TPST1: variants seen among roughly 807,000 people sequenced by gnomAD.
The protein encoded by TPST1 is protein-tyrosine sulfotransferase 1.
In TPST1, 20 loss-of-function variants were observed where a neutral mutation model predicts 34.8. The ratio of observed to expected loss-of-function variants is 0.57; its 90% CI spans 0.40 to 0.84. TPST1 has a LOEUF of 0.84. Ranked by LOEUF, TPST1 falls within the 40% of genes least tolerant of loss-of-function variation. The pLI, the probability that TPST1 is intolerant of heterozygous loss-of-function variation, is 0.00. For missense variants in TPST1, 353 were observed against 455.5 expected (o/e 0.78, Z 2.05); for synonymous variants, 152 against 159.4 (o/e 0.95, Z 0.35).
rs578074742 is a variant in TPST1, at chr7:66,241,352, A to G, written c.845+82A>G. On this transcript the variant is annotated intron_variant, in intron 2 of 5. Transcript: ENST00000304842. ...ACATATGTATGTATGTGTTTTATGT[A>G]TATATGTGTGTATGTTCCTGTGTGT... 4.0e-6 allele frequency: 6 copies of G among 1,486,208 alleles called. No homozygotes were observed. In the African/African-American group the frequency reaches 7.1e-5, roughly 17 times the overall value. 92.1% of individuals were successfully genotyped at this position (1,486,208 alleles called of 1,614,324 possible). A position where few individuals can be genotyped will look rare whatever the true frequency, so the allele number is the denominator to read the frequency against.
chr7:66,332,119 G>A lies in TPST1; in HGVS notation c.1045-20386G>A, dbSNP rs1369092506. On this transcript the variant is annotated intron_variant, in intron 3 of 5. Coordinates refer to ENST00000304842, the MANE Select transcript of TPST1 (RefSeq NM_003596.4). The surrounding 1 kb of genome is among the most constrained non-coding windows in gnomAD (Gnocchi z 4.5). ...TAAACGTAATGTGCTTGAATCATCCGGAAACCATCCCCTCTGCTGGTCCAT... is the reference window on the plus strand; with the variant it reads ...TAAACGTAATGTGCTTGAATCATCCAGAAACCATCCCCTCTGCTGGTCCAT... 1.3e-5 allele frequency among the ~76,000 whole-genome samples: 2 copies of A among 151,014 alleles called. No homozygotes were observed. The highest frequency in any genetic ancestry group is 6.7e-5 in the Admixed American group (1 of 15,014).
In TPST1 at chr7:66,240,504, C is replaced by T. The variant is rs1402816364; in HGVS notation, c.79C>T (p.His27Tyr). 1.9e-6 allele frequency: 3 copies of T among 1,614,180 alleles called. No homozygotes were observed. The highest frequency in any genetic ancestry group is 2.2e-5 in the East Asian group (1 of 44,878). Reference sequence around the variant, plus strand: ...TGTGACTGTGTTTTACCTGGGCCAGCATGCCATGGAATGCCATCACCGGAT... The same window carrying T: ...TGTGACTGTGTTTTACCTGGGCCAGTATGCCATGGAATGCCATCACCGGAT... Reference protein sequence around the residue: ...SSVTVFYLGQHAMECHHRIEE... With the variant: ...SSVTVFYLGQYAMECHHRIEE... The change falls in exon 2 of 6, where the codon CAT becomes TAT. Residue 27 changes from histidine (H) to tyrosine (Y), a missense_variant. Transcript: ENST00000304842.
chr7:66,240,885 C>A lies in TPST1; in HGVS notation c.460C>A (p.Pro154Thr). 1 of 1,614,072 alleles carries A rather than the reference C, an allele frequency of 6.2e-7. No individual in the cohort carries two copies. The highest frequency in any genetic ancestry group is 2.2e-5 in the East Asian group (1 of 44,888). The change falls in exon 2 of 6, where the codon CCT (proline) becomes ACT (threonine). Residue 154 changes from proline (P) to threonine (T), a missense_variant. By Grantham distance (38) the Pro-to-Thr change is conservative. Coordinates refer to ENST00000304842, the MANE Select transcript of TPST1 (RefSeq NM_003596.4). The stretch of plus-strand genomic sequence containing the variant: ...TATCGTTAAGCATGGGGAGCCAGCC[C>A]CTTATTTATGTAATAAAGATCCTTT... ...EIIVKHGEPA[P>T]YLCNKDPFAL...
intron 3 of TPST1, among the ~76,000 whole-genome samples, chr7:66,314,329 A>G: frequency 6.6e-6 from 1 of 152,106 alleles, no homozygotes; most frequent in Non-Finnish European, 1.5e-5. Context: ...AAGCCCAGGA[A>G]CTCAAGACCA....
intron 2 of TPST1, among the ~76,000 whole-genome samples, chr7:66,276,071 T>C (rs768425312): frequency 1.3e-5 from 2 of 151,932 alleles, no homozygotes; most frequent in African/African-American, 2.4e-5. Context: ...TGGATACCTA[T>C]ACTTTGCCTA....
At chr7:66,251,245 A>G (rs999901017) in intron 2 of TPST1, among the ~76,000 whole-genome samples, 19 of 152,274 alleles carry the variant, frequency 1.2e-4, no homozygotes, top group African/African-American at 4.6e-4. Context: ...TGTCTTTATT[A>G]TTATAATAAT....
chr7:66,309,592 A>G (rs1791490383), intron 3 of TPST1, among the ~76,000 whole-genome samples: 1 of 152,180 alleles, frequency 6.6e-6, no homozygotes, highest in Non-Finnish European at 1.5e-5. Context: ...GTGAAATGGT[A>G]CCAAGGGAAG....
At chr7:66,358,873 A>G (rs568904331) in intron 5 of TPST1, among the ~76,000 whole-genome samples, 24 of 152,222 alleles carry the variant, frequency 1.6e-4, no homozygotes, top group Non-Finnish European at 3.2e-4. Flanking sequence ...GATGGACCGC[A>G]TCAGCAGTTG....
At chr7:66,357,156 T>C (rs1471996671) in intron 5 of TPST1, among the ~76,000 whole-genome samples, 1 of 152,232 alleles carries the variant, frequency 6.6e-6, no homozygotes, top group African/African-American at 2.4e-5. Flanking sequence ...TTATTTTCAT[T>C]ATGAACCATG....
chr7:66,211,190 A>G (rs1001358651), intron 1 of TPST1, among the ~76,000 whole-genome samples: 1 of 151,694 alleles, frequency 6.6e-6, no homozygotes, highest in East Asian at 1.9e-4. Context: ...GCTGGAGTGC[A>G]ATGGCGCGAT....
At chr7:66,349,143 G>A (rs974265507) in intron 3 of TPST1, among the ~76,000 whole-genome samples, 14 of 152,176 alleles carry the variant, frequency 9.2e-5, no homozygotes, top group Non-Finnish European at 1.6e-4. Context: ...CCTGGGGTGC[G>A]GCCTCTGAGC....
upstream of TPST1, among the ~76,000 whole-genome samples, chr7:66,204,383 T>G (rs1053681856): frequency 2.6e-5 from 4 of 152,178 alleles, no homozygotes; most frequent in Admixed American, 2.6e-4. Context: ...GCCCGGCTAA[T>G]TTTTGTATTT....
intron 5 of TPST1, among the ~76,000 whole-genome samples, 189 bp from the exon 6 acceptor site, chr7:66,359,706 G>A (rs947130928): frequency 1.3e-5 from 2 of 152,212 alleles, no homozygotes; most frequent in Non-Finnish European, 2.9e-5. Context: ...GAGTGAGGGT[G>A]TGTGTGCCTC....
chr7:66,294,733 TTTC>T (rs930235635), intron 3 of TPST1, among the ~76,000 whole-genome samples: 12 of 152,066 alleles, frequency 7.9e-5, no homozygotes, highest in African/African-American at 2.4e-4. Context: ...TCTTTTTTAT[TTTC>T]TTATTTATTT....
chr7:66,286,099 G>C (rs1791028473), intron 2 of TPST1, among the ~76,000 whole-genome samples: 1 of 152,090 alleles, frequency 6.6e-6, no homozygotes, highest in African/African-American at 2.4e-5. Flanking sequence ...CTTTATCACT[G>C]TCCATCTCTC....
chr7:66,304,670 A>T (rs576549330), intron 3 of TPST1, among the ~76,000 whole-genome samples: 1 of 152,352 alleles, frequency 6.6e-6, no homozygotes, highest in African/African-American at 2.4e-5. Context: ...AACTGAAAAC[A>T]TGCTAAGCAC....
chr7:66,354,821 C>T (rs530441713), intron 4 of TPST1, among the ~76,000 whole-genome samples: 12 of 151,966 alleles, frequency 7.9e-5, no homozygotes, highest in African/African-American at 2.9e-4. Flanking sequence ...ATAGCCAAAC[C>T]TCATCTCTAC....
intron 3 of TPST1, among the ~76,000 whole-genome samples, chr7:66,325,305 A>T (rs1221937916): frequency 6.6e-6 from 1 of 151,970 alleles, no homozygotes; most frequent in Non-Finnish European, 1.5e-5. Context: ...ACACGTGGGG[A>T]TTATGGGGAT....
At chr7:66,326,918 C>T (rs1445231762) in intron 3 of TPST1, among the ~76,000 whole-genome samples, 1 of 152,132 alleles carries the variant, frequency 6.6e-6, no homozygotes, top group Non-Finnish European at 1.5e-5. Context: ...GTTGAACTTT[C>T]CTAGAACTGA....
Sources: gnomAD v4.1 joint callset for allele counts (sites outside exome capture counted in the v4.1 genomes callset) on GRCh38, gnomAD v4.1.1 for gene constraint, Gnocchi (gnomAD v3.1) non-coding constraint, MANE v1.5 for transcripts, NCBI Gene and HGNC (gene_info 2026-07-23, HGNC 2026-07-21) for gene names.